Variants in CASZ1 observed in about 807,000 individuals in gnomAD.
The protein encoded by CASZ1 is castor zinc finger 1.
In CASZ1, 28 loss-of-function variants were observed where a neutral mutation model predicts 135.2. The observed-to-expected ratio is 0.21, with a 90% CI of 0.15 to 0.28. The LOEUF is 0.28. CASZ1 is among the 10% of genes least tolerant of loss of function. The pLI, the probability that CASZ1 is intolerant of heterozygous loss-of-function variation, is 1.00. For synonymous variants in CASZ1, 1,068 were observed against 1,073.4 expected, an observed-to-expected ratio of 0.99 and a Z score of 0.10; for missense variants, 2,161 against 2,453.3, an observed-to-expected ratio of 0.88 and a Z score of 2.52.
chr1:10,780,577 C>T (rs187390003), intron 1 of CASZ1, among the ~76,000 whole-genome samples: 13 of 152,284 alleles, frequency 8.5e-5, no homozygotes, highest in Admixed American at 5.2e-4. Context: ...TAAATATATA[C>T]AGTCACCAAA....
In CASZ1 at chr1:10,665,489, G is replaced by A. The variant is rs1353502554; in HGVS notation, c.99C>T (p.Ala33=). 3 of 1,606,960 alleles carry A rather than the reference G, an allele frequency of 1.9e-6. No homozygotes were observed. Among genetic ancestry groups the A allele is most frequent in the South Asian group, 1.1e-5 (1 of 90,954 alleles). The part of the protein sequence containing the change: ...PKRKGGLKLN[A]ICAKLSRQVV... ...CCTGGCGGCTCAGCTTGGCGCAGAT[G>A]GCGTTCAGCTTCAGGCCACCCTTGC... The change falls in exon 5 of 21, where the codon GCC becomes GCT. Residue 33 remains alanine (A), a synonymous_variant. Coordinates refer to ENST00000377022, the MANE Select transcript of CASZ1 (RefSeq NM_001079843.3).
rs529877445 is a variant in CASZ1, at chr1:10,776,398, C to T, written c.-233-15541G>A. 4.6e-5 allele frequency among the ~76,000 whole-genome samples: 7 copies of T among 152,354 alleles called. No individual in the cohort carries two copies. In the East Asian group the frequency reaches 5.8e-4, roughly 13 times the overall value. ...CCTCCTGCCCAGATGGCGCTCACCC[C>T]GGGCATGGAGCCTGCCCCTTTCTCC... On this transcript the variant is annotated intron_variant, in intron 1 of 20. Transcript: ENST00000377022. This position sits in a 1 kb window ranked among gnomAD's most constrained non-coding sequence, Gnocchi z 4.1.
chr1:10,717,126 G>A lies in CASZ1; in HGVS notation c.-76-11582C>T, dbSNP rs1045507775. On this transcript the variant is annotated intron_variant, in intron 2 of 20. Transcript: ENST00000377022. The surrounding 1 kb of genome is among the most constrained non-coding windows in gnomAD (Gnocchi z 4.6). Reference sequence around the variant, plus strand: ...GGCCAGCGAGGACACTGGGGAGGGCGTGTCTCCTTAATAAGCCCTTTCTCT... The same window carrying A: ...GGCCAGCGAGGACACTGGGGAGGGCATGTCTCCTTAATAAGCCCTTTCTCT... Among the ~76,000 whole-genome samples, 4 of 152,176 alleles carry A rather than the reference G, an allele frequency of 2.6e-5. No individual in the cohort carries two copies. The highest frequency in any genetic ancestry group is 4.4e-5 in the Non-Finnish European group (3 of 68,028).
chr1:10,703,748 G>A lies in CASZ1; in HGVS notation c.-24+1744C>T, dbSNP rs186100044. Among the ~76,000 whole-genome samples the A allele has an allele frequency of 3.0e-3, 460 of 152,324 alleles. 1 individual carries two copies. The highest frequency in any genetic ancestry group is 5.0e-3 in the Non-Finnish European group (340 of 68,044). On this transcript the variant is annotated intron_variant, in intron 3 of 20. Coordinates refer to ENST00000377022, the MANE Select transcript of CASZ1 (RefSeq NM_001079843.3). The stretch of plus-strand genomic sequence containing the variant: ...GGAAAACTTTTTCCCTAAAGGGCCA[G>A]AGAGAAAATCATTAACCTTTTAGGC...
rs544703687 is a variant in CASZ1 at position 10,726,131 on chromosome 1, G to A, written c.-76-20587C>T. On this transcript the variant is annotated intron_variant, in intron 2 of 20. Coordinates refer to ENST00000377022, the MANE Select transcript of CASZ1 (RefSeq NM_001079843.3). This position sits in a 1 kb window ranked among gnomAD's most constrained non-coding sequence, Gnocchi z 5.7. ...CACTACTACCAGTACTACTACTACT[G>A]CTGCTACTACCACCAGCATGACCAT... 6.6e-6 allele frequency among the ~76,000 whole-genome samples: 1 copy of A among 152,224 alleles called. No homozygotes were observed. Among genetic ancestry groups the A allele is most frequent in the Admixed American group, 6.5e-5 (1 of 15,290 alleles).
intron 1 of CASZ1, among the ~76,000 whole-genome samples, chr1:10,785,534 G>A (rs760297559): frequency 1.3e-5 from 2 of 152,066 alleles, no homozygotes; most frequent in Admixed American, 6.5e-5. Flanking sequence ...CCCGCTTCAC[G>A]GCCTCATGCC....
chr1:10,639,368 G>A lies in CASZ1; in HGVS notation c.4854C>T (p.Gly1618=). The change falls in exon 21 of 21, where the codon GGC becomes GGT. Residue 1618 remains glycine, a synonymous_variant. Coordinates refer to ENST00000377022, the MANE Select transcript of CASZ1 (RefSeq NM_001079843.3). The surrounding 1 kb of genome is among the most constrained non-coding windows in gnomAD (Gnocchi z 4.0). ...CCGGCTCGGCGCCCAGCGACAGGGA[G>A]CCGTCCAGACTGATGGGAGGCCCGG... is the stretch of plus-strand genomic sequence containing the variant. ...PAPGPPISLD[G]SLSLGAEPGS... 3.3e-6 allele frequency: 5 copies of A among 1,532,914 alleles called. No homozygotes were observed. The highest frequency in any genetic ancestry group is 4.4e-6 in the Non-Finnish European group (5 of 1,141,818). The allele number at this position is 1,532,914 out of a possible 1,614,324, so 95.0% of individuals were successfully genotyped here. A position where few individuals can be genotyped will look rare whatever the true frequency, so the allele number is the denominator to read the frequency against.
rs34487572 is a variant in CASZ1 at position 10,783,871 on chromosome 1, CAAAAAAAAA to C, written c.-234+12684_-234+12692del. Among the ~76,000 whole-genome samples the C allele has an allele frequency of 2.3e-4, 18 of 78,952 alleles. No individual in the cohort carries two copies. In the East Asian group the frequency reaches 6.3e-3, roughly 28 times the overall value. 51.8% of individuals were successfully genotyped at this position (78,952 alleles called of 152,430 possible). A position where few individuals can be genotyped will look rare whatever the true frequency, so the allele number is the denominator to read the frequency against. ...TGGGTGAAAAAGCAAGACTCCGTCT[CAAAAAAAAA>C]AAAAAAAAAAAAACCTACAATTATA... On this transcript the variant is annotated intron_variant, in intron 1 of 20. Coordinates refer to ENST00000377022, the MANE Select transcript of CASZ1 (RefSeq NM_001079843.3).
Position 10,767,923 on chromosome 1 carries a change from G to T in CASZ1, c.-233-7066C>A, listed in dbSNP as rs1640506362. 6.6e-6 allele frequency among the ~76,000 whole-genome samples: 1 copy of T among 152,310 alleles called. No individual in the cohort carries two copies. The highest frequency in any genetic ancestry group is 1.9e-4 in the East Asian group (1 of 5,170). On this transcript the variant is annotated intron_variant, in intron 1 of 20. Coordinates refer to ENST00000377022, the MANE Select transcript of CASZ1 (RefSeq NM_001079843.3). This position sits in a 1 kb window ranked among gnomAD's most constrained non-coding sequence, Gnocchi z 4.2. ...GCCCACTCCAACCCTAGTCACAGGA[G>T]GGTCACCCACCATTGCAAGGTCTTC...
chr1:10,675,590 A>G (rs375952103), intron 4 of CASZ1, among the ~76,000 whole-genome samples: 1 of 152,048 alleles, frequency 6.6e-6, no homozygotes, highest in African/African-American at 2.4e-5. Context: ...GGGAGGTGCC[A>G]GGTCCCCCGA....
At chr1:10,712,808 C>T (rs1012751298) in intron 2 of CASZ1, among the ~76,000 whole-genome samples, 2 of 152,238 alleles carry the variant, frequency 1.3e-5, no homozygotes, top group Non-Finnish European at 2.9e-5. Flanking sequence ...GATCCCAATA[C>T]ACACGGCCCA....
chr1:10,735,384 G>A lies in CASZ1; in HGVS notation c.-77+25317C>T, dbSNP rs945005322. Among the ~76,000 whole-genome samples the A allele has an allele frequency of 2.0e-5, 3 of 152,188 alleles. No homozygotes were observed. The highest frequency in any genetic ancestry group is 6.5e-5 in the Admixed American group (1 of 15,288). Reference sequence around the variant, plus strand: ...GCTGACGAGAGAGGCGCCTGCAAACGCAGGCGAGGCCCGGGAGCTCTGGGA... The same window carrying A: ...GCTGACGAGAGAGGCGCCTGCAAACACAGGCGAGGCCCGGGAGCTCTGGGA... On this transcript the variant is annotated intron_variant, in intron 2 of 20. Coordinates refer to ENST00000377022, the MANE Select transcript of CASZ1 (RefSeq NM_001079843.3). This position sits in a 1 kb window ranked among gnomAD's most constrained non-coding sequence, Gnocchi z 5.1.
chr1:10,708,683 G>A (rs1639223736), intron 2 of CASZ1, among the ~76,000 whole-genome samples: 1 of 152,116 alleles, frequency 6.6e-6, no homozygotes, highest in Non-Finnish European at 1.5e-5. Context: ...CCTGAGCCCG[G>A]CAGCCCTGGG....
rs146474475 is a variant in CASZ1, at chr1:10,794,452, G to T, written c.-234+2112C>A. 6.7e-6 allele frequency among the ~76,000 whole-genome samples: 1 copy of T among 149,520 alleles called. No individual in the cohort carries two copies. The highest frequency in any genetic ancestry group is 1.5e-5 in the Non-Finnish European group (1 of 67,848). ...CCACTCGGTCAGAAACGCACACTCC[G>T]CCCCGTGGCCCAGTGATCCAGGTTT... is the stretch of plus-strand genomic sequence containing the variant. On this transcript the variant is annotated intron_variant, in intron 1 of 20. Transcript: ENST00000377022. This position sits in a 1 kb window ranked among gnomAD's most constrained non-coding sequence, Gnocchi z 5.6.
chr1:10,677,670 G>A lies in CASZ1; in HGVS notation c.17-12099C>T, dbSNP rs561436427. Among the ~76,000 whole-genome samples the A allele has an allele frequency of 5.3e-5, 8 of 152,356 alleles. No individual in the cohort carries two copies. The South Asian group carries it at 1.4e-3, about 28-fold the overall frequency. ...AAAGCCCAGGCCACTCACTCGTGAG[G>A]ACTAGGCAGATCCAGGGGCCCAGTT... On this transcript the variant is annotated intron_variant, in intron 4 of 20. Coordinates refer to ENST00000377022, the MANE Select transcript of CASZ1 (RefSeq NM_001079843.3).
intron 4 of CASZ1, among the ~76,000 whole-genome samples, chr1:10,680,346 C>T (rs1638374880): frequency 6.6e-6 from 1 of 152,000 alleles, no homozygotes; most frequent in African/African-American, 2.4e-5. Flanking sequence ...TGAACTTGGA[C>T]CCCCAGGGCC....
intron 1 of CASZ1, among the ~76,000 whole-genome samples, chr1:10,770,497 T>G (rs920975626): frequency 6.6e-6 from 1 of 152,210 alleles, no homozygotes; most frequent in South Asian, 2.1e-4. Flanking sequence ...AATTCCTTTT[T>G]TCCCAGGAGC....
intron 3 of CASZ1, among the ~76,000 whole-genome samples, chr1:10,695,036 GGGCCGCGCCCGCCA>G (rs1336816424): frequency 4.0e-5 from 6 of 150,012 alleles, no homozygotes; most frequent in Admixed American, 2.6e-4. Context: ...AGGCGCCGCG[GGGCCGCGCCCGCCA>G]GGCCGCGCGC....
chr1:10,656,477 G>A (rs565827975), intron 8 of CASZ1, among the ~76,000 whole-genome samples, 169 bp downstream of exon 8: 206 of 152,212 alleles, frequency 1.4e-3, no homozygotes, highest in Non-Finnish European at 2.1e-3. Context: ...CAGGAATCGG[G>A]GAATGTGGGC....
Sources: allele counts gnomAD v4.1 joint callset (sites outside exome capture counted in the v4.1 genomes callset), GRCh38; gene constraint gnomAD v4.1.1; non-coding constraint Gnocchi (gnomAD v3.1); transcripts MANE v1.5; gene names NCBI Gene and HGNC (gene_info 2026-07-23, HGNC 2026-07-21).